The following DMD variants were observed in gnomAD, a reference collection of about 807,000 sequenced individuals.
DMD encodes the protein mutant dystrophin.
Under a neutral mutation model 330.1 loss-of-function variants are expected in DMD, and 63 were observed. The ratio of observed to expected loss-of-function variants is 0.19; its 90% CI spans 0.16 to 0.24. The LOEUF is 0.24. Ranked by LOEUF, DMD falls within the 10% of genes least tolerant of loss-of-function variation. The pLI is 1.00. For synonymous variants in DMD, 1,223 were observed against 959.8 expected (o/e 1.27, Z -5.07); for missense variants, 3,344 against 2,684.1 (o/e 1.25, Z -5.43).
chrX:31,318,372 T>C (rs775607848), intron 62 of DMD, among the ~76,000 whole-genome samples: 2 of 112,293 alleles, frequency 1.8e-5, no homozygotes, highest in African/African-American at 3.2e-5. Flanking sequence ...GCTATAGGAA[T>C]GGTAGGCCAT....
chrX:32,567,953 A>C (rs2051932742), intron 15 of DMD, among the ~76,000 whole-genome samples: 1 of 112,000 alleles, frequency 8.9e-6, no homozygotes, highest in Non-Finnish European at 1.9e-5. Flanking sequence ...TCTTTGACTT[A>C]CTTACTCAGA....
At chrX:33,017,359 CTGT>C (rs1186912362) in intron 2 of DMD, among the ~76,000 whole-genome samples, 2 of 93,248 alleles carry the variant, frequency 2.1e-5, no homozygotes, top group Non-Finnish European at 4.5e-5. Context: ...TATCATCTGT[CTGT>C]GTGGTAAAGT....
Position 32,681,937 on chromosome X carries a change from G to A in DMD, c.960+15933C>T, listed in dbSNP as rs144646491. ...AATAACTGGGGGAAAAACCCTTCCA[G>A]GAAGAGGGAGATACATGTGTAAAGT... On this transcript the variant is annotated intron_variant, in intron 9 of 78. Transcript: ENST00000357033. Among the ~76,000 whole-genome samples, 961 of 111,569 alleles carry A rather than the reference G, an allele frequency of 8.6e-3. 16 individuals carry two copies. The highest frequency in any genetic ancestry group is 0.029 in the African/African-American group (894 of 30,650).
chrX:31,928,272 C>T (rs2094806450), intron 47 of DMD, among the ~76,000 whole-genome samples: 1 of 111,369 alleles, frequency 9.0e-6, no homozygotes, highest in Admixed American at 9.6e-5. Flanking sequence ...GAAAGGGGAA[C>T]TATTGCTTAA....
rs1342286248 is a variant in DMD, at chrX:32,543,397, G to C, written c.2168+1762C>G. On this transcript the variant is annotated intron_variant, in intron 17 of 78. Transcript: ENST00000357033. ...CCAATAATAAGCTTTTGAAGACAGA[G>C]ATTGACATGAATCAGCTTGCTCTGT... Among the ~76,000 whole-genome samples, 4 of 110,071 alleles carry C rather than the reference G, an allele frequency of 3.6e-5. No individual in the cohort carries two copies. In the Admixed American group the frequency reaches 3.9e-4, roughly 11 times the overall value.
intron 3 of DMD, among the ~76,000 whole-genome samples, chrX:32,847,104 T>C (rs1383636188): frequency 8.9e-6 from 1 of 112,277 alleles, no homozygotes; most frequent in African/African-American, 3.2e-5. Flanking sequence ...TTATAGGACT[T>C]TAAAGTTTTG....
intron 55 of DMD, among the ~76,000 whole-genome samples, chrX:31,588,604 T>C (rs1384896491): frequency 9.0e-6 from 1 of 111,653 alleles, no homozygotes; most frequent in Non-Finnish European, 1.9e-5. Flanking sequence ...CTGGAACTTT[T>C]TTCCTGCATG....
At chrX:32,945,350 G>C (rs192375615) in intron 2 of DMD, among the ~76,000 whole-genome samples, 7 of 110,770 alleles carry the variant, frequency 6.3e-5, no homozygotes, top group Admixed American at 5.8e-4. Context: ...ATTATTTCTA[G>C]GTTTTTTCTT....
chrX:32,364,653 T>C lies in DMD; in HGVS notation c.5083A>G (p.Ile1695Val). The change falls in exon 36 of 79, where the codon ATC (isoleucine) becomes GTC (valine). Residue 1695 changes from isoleucine (I) to valine (V), a missense_variant. Physicochemically the swap from Ile to Val is conservative, Grantham distance 29. Coordinates refer to ENST00000357033, the MANE Select transcript of DMD (RefSeq NM_004006.3). ...TCCAAAAGTGTGTCAGCCTGAATGATCCACTTTGTGATGTGGTCCACATTC... is the reference window on the plus strand; with the variant it reads ...TCCAAAAGTGTGTCAGCCTGAATGACCCACTTTGTGATGTGGTCCACATTC... ...DQNVDHITKW[I>V]IQADTLLDES... 8.3e-7 allele frequency: 1 copy of C among 1,209,848 alleles called. No homozygotes were observed. Among genetic ancestry groups the C allele is most frequent in the Non-Finnish European group, 1.1e-6 (1 of 893,827 alleles).
chrX:33,128,177 C>A (rs772161214), intron 1 of DMD: 1 of 1,204,883 alleles, frequency 8.3e-7, no homozygotes, highest in Non-Finnish European at 1.1e-6. Flanking sequence ...TCAAATTCTG[C>A]GGAGGCTGGC....
At chrX:32,164,695 T>C (rs1290937862) in intron 44 of DMD, among the ~76,000 whole-genome samples, 2 of 111,090 alleles carry the variant, frequency 1.8e-5, no homozygotes, top group Non-Finnish European at 3.8e-5. Flanking sequence ...GGCAAGACAA[T>C]GGGGAAAATG....
intron 60 of DMD, among the ~76,000 whole-genome samples, chrX:31,421,505 A>G (rs1470442130): frequency 8.9e-6 from 1 of 111,809 alleles, no homozygotes; most frequent in Non-Finnish European, 1.9e-5. Flanking sequence ...TATTATATGC[A>G]TATTCCAGTG....
At chrX:31,765,353 T>C (rs2089922757) in intron 51 of DMD, among the ~76,000 whole-genome samples, 1 of 111,867 alleles carries the variant, frequency 8.9e-6, no homozygotes, top group Non-Finnish European at 1.9e-5. Flanking sequence ...CCCTATCTTT[T>C]ATGTTTTTCT....
chrX:32,345,617 G>A (rs771732699), intron 39 of DMD, among the ~76,000 whole-genome samples: 1 of 110,549 alleles, frequency 9.0e-6, no homozygotes, highest in Admixed American at 9.7e-5. Flanking sequence ...GGTTATTCTG[G>A]CAGTTAGGCA....
chrX:33,029,659 C>T (rs2094071852), intron 1 of DMD, among the ~76,000 whole-genome samples: 1 of 112,199 alleles, frequency 8.9e-6, no homozygotes, highest in Non-Finnish European at 1.9e-5. Context: ...CTAACATAAT[C>T]GCATAGTTGT....
At chrX:32,195,261 G>C (rs2096994022) in intron 44 of DMD, among the ~76,000 whole-genome samples, 1 of 111,250 alleles carries the variant, frequency 9.0e-6, no homozygotes, top group African/African-American at 3.3e-5. Flanking sequence ...AAATGTCAAA[G>C]CTGCATGTGC....
intron 11 of DMD, among the ~76,000 whole-genome samples, chrX:32,623,970 C>A (rs2058175081): frequency 9.0e-6 from 1 of 111,697 alleles, no homozygotes; most frequent in Admixed American, 9.5e-5. Context: ...TGTATTAGAT[C>A]ATATGAAATT....
At chrX:32,639,989 G>T (rs767468503) in intron 11 of DMD, among the ~76,000 whole-genome samples, 30 of 110,016 alleles carry the variant, frequency 2.7e-4, no homozygotes, top group African/African-American at 9.9e-4. Flanking sequence ...ATCACTTGAG[G>T]CCAGGAGCTT....
rs905992817 is a variant in DMD at position 32,498,814 on chromosome X, C to T, written c.2380+2941G>A. Among the ~76,000 whole-genome samples the T allele has an allele frequency of 7.2e-5, 8 of 111,722 alleles. No individual in the cohort carries two copies. The South Asian group carries it at 1.9e-3, about 26-fold the overall frequency. ...GTTACTAGACATACTGTTTCTAGAACGTACAACTGATTTTTAACAATACTT... is the reference window on the plus strand; with the variant it reads ...GTTACTAGACATACTGTTTCTAGAATGTACAACTGATTTTTAACAATACTT... On this transcript the variant is annotated intron_variant, in intron 19 of 78. Transcript: ENST00000357033.
Sources: allele counts gnomAD v4.1 joint callset (sites outside exome capture counted in the v4.1 genomes callset), GRCh38; gene constraint gnomAD v4.1.1; transcripts MANE v1.5; gene names NCBI Gene and HGNC (gene_info 2026-07-23, HGNC 2026-07-21).